Variants in WBP1L observed in about 807,000 individuals in gnomAD.
The protein encoded by WBP1L is WW domain binding protein 1 like.
WBP1L carries 17 observed loss-of-function variants against 33.7 expected under a neutral mutation model. The observed-to-expected ratio is 0.50, with a 90% CI of 0.34 to 0.76. The LOEUF (loss-of-function observed/expected upper bound fraction) is 0.76, where lower values mean the gene tolerates loss of function less well. Ranked by LOEUF, WBP1L falls within the 30% of genes least tolerant of loss-of-function variation. WBP1L has a pLI of 0.01. For missense variants in WBP1L, 389 were observed against 469.4 expected (o/e 0.83, Z 1.58); for synonymous variants, 173 against 190.8 (o/e 0.91, Z 0.77).
At chr10:102,756,552 A>G (rs552032991) in intron 1 of WBP1L, among the ~76,000 whole-genome samples, 207 of 152,224 alleles carry the variant, frequency 1.4e-3, no homozygotes, top group Non-Finnish European at 2.5e-3. Flanking sequence ...CTGTTGCTTT[A>G]TACCGTGATT....
Position 102,808,509 on chromosome 10 carries a change from C to T in WBP1L, c.194-1384C>T, listed in dbSNP as rs369716549. On this transcript the variant is annotated intron_variant, in intron 2 of 3. Transcript: ENST00000448841. ...GAGCTGTGGGGCTTGGCCTCTGTTCCGCCACCCTTCCCTGGAGCAGGGAGG... is the reference window on the plus strand; with the variant it reads ...GAGCTGTGGGGCTTGGCCTCTGTTCTGCCACCCTTCCCTGGAGCAGGGAGG... Among the ~76,000 whole-genome samples the T allele has an allele frequency of 6.7e-5, 10 of 149,536 alleles. No homozygotes were observed. The East Asian group carries it at 7.9e-4, about 12-fold the overall frequency.
intron 1 of WBP1L, among the ~76,000 whole-genome samples, chr10:102,778,794 C>A (rs973272862): frequency 6.6e-6 from 1 of 152,064 alleles, no homozygotes; most frequent in African/African-American, 2.4e-5. Flanking sequence ...ACATAATGCA[C>A]ACACACACAC....
intron 2 of WBP1L, among the ~76,000 whole-genome samples, chr10:102,804,418 T>A (rs1463382708): frequency 6.6e-6 from 1 of 150,742 alleles, no homozygotes; most frequent in Non-Finnish European, 1.5e-5. Context: ...CCTTTTTTTT[T>A]TAAAAAAAAA....
chr10:102,769,821 T>A lies in WBP1L; in HGVS notation c.90+25678T>A, dbSNP rs1272555790. Among the ~76,000 whole-genome samples, 5 of 152,364 alleles carry A rather than the reference T, an allele frequency of 3.3e-5. No homozygotes were observed. In the East Asian group the frequency reaches 7.7e-4, roughly 24 times the overall value. On this transcript the variant is annotated intron_variant, in intron 1 of 3. Coordinates refer to ENST00000448841, the MANE Select transcript of WBP1L (RefSeq NM_001083913.2). ...ATTTGATGTTTAGCAAAGGATTACA[T>A]ACTGCAGTTAAGAACCGTTTACCTA...
chr10:102,809,831 A>G, intron 2 of WBP1L, 62 bp from the exon 3 acceptor site: 1 of 1,541,522 alleles, frequency 6.5e-7, no homozygotes, highest in East Asian at 2.3e-5. Context: ...CCTGTTCCGC[A>G]AGCTGCCCCT....
At chr10:102,776,380 G>T in intron 1 of WBP1L, 1 of 1,614,164 alleles carries the variant, frequency 6.2e-7, no homozygotes, top group Admixed American at 1.7e-5. Flanking sequence ...TGTGGACGAT[G>T]CTCTTGCAGG....
chr10:102,789,931 G>T (rs7070024), intron 1 of WBP1L, among the ~76,000 whole-genome samples: 1,661 of 151,746 alleles, frequency 0.011, 25 homozygotes, highest in African/African-American at 0.038. Flanking sequence ...GTAGAGATGG[G>T]GTTTCACAGT....
intron 1 of WBP1L, among the ~76,000 whole-genome samples, chr10:102,749,792 T>C (rs963361071): frequency 6.6e-6 from 1 of 151,794 alleles, no homozygotes; most frequent in Non-Finnish European, 1.5e-5. Context: ...TTATTTATTT[T>C]TTGAGATGGA....
intron 1 of WBP1L, among the ~76,000 whole-genome samples, chr10:102,748,237 A>G (rs1182696302): frequency 6.6e-6 from 1 of 151,856 alleles, no homozygotes; most frequent in Non-Finnish European, 1.5e-5. Flanking sequence ...CAGCCTGGGC[A>G]ACAGAGCGAG....
rs924776098 is a variant in WBP1L at position 102,763,392 on chromosome 10, C to T, written c.90+19249C>T. Among the ~76,000 whole-genome samples, 10 of 152,108 alleles carry T rather than the reference C, an allele frequency of 6.6e-5. No homozygotes were observed. In the East Asian group the frequency reaches 1.5e-3, roughly 23 times the overall value. ...AGCTTATACATTGTGACTCCACAAA[C>T]GAGATGGTAGACTTTGATTACATGG... On this transcript the variant is annotated intron_variant, in intron 1 of 3. Transcript: ENST00000448841.
intron 1 of WBP1L, among the ~76,000 whole-genome samples, chr10:102,796,538 G>A (rs781611721): frequency 2.0e-5 from 3 of 152,148 alleles, no homozygotes; most frequent in East Asian, 1.9e-4. Context: ...AGGAGGAGCC[G>A]ACCATGTGAC....
chr10:102,782,760 G>A (rs1171074989), intron 1 of WBP1L, among the ~76,000 whole-genome samples: 1 of 152,126 alleles, frequency 6.6e-6, no homozygotes, highest in Non-Finnish European at 1.5e-5. Flanking sequence ...ATCCTGTGAG[G>A]GGAGGGGCAG....
At position 102,813,532 on chromosome 10, in the gene WBP1L, A is replaced by G; in HGVS notation, c.*201A>G. On this transcript the variant is annotated 3_prime_UTR_variant, in exon 4 of 4. Transcript: ENST00000448841. Reference sequence around the variant, plus strand: ...TGGATGCCTCTTCCTCCACAAGGGCACAGTGTTGTGGAGGGCTAAGTTGGT... The same window carrying G: ...TGGATGCCTCTTCCTCCACAAGGGCGCAGTGTTGTGGAGGGCTAAGTTGGT... The G allele has an allele frequency of 1.4e-6, 1 of 697,806 alleles. No homozygotes were observed. Among genetic ancestry groups the G allele is most frequent in the East Asian group, 2.7e-5 (1 of 36,444 alleles). 43.2% of individuals were successfully genotyped at this position (697,806 alleles called of 1,614,324 possible). A position where few individuals can be genotyped will look rare whatever the true frequency, so the allele number is the denominator to read the frequency against.
Position 102,809,964 on chromosome 10 carries a change from C to T in WBP1L, c.265C>T (p.His89Tyr). ...CCVCHHRRAKHRLQAQQRQHE... is the reference protein window; with the variant it reads ...CCVCHHRRAKYRLQAQQRQHE... Reference sequence around the variant, plus strand: ...TGTTTGCCACCACCGCCGAGCCAAGCACCGCCTTCAGGCCCAGCAGCGGCA... The same window carrying T: ...TGTTTGCCACCACCGCCGAGCCAAGTACCGCCTTCAGGCCCAGCAGCGGCA... Residue 89 changes from histidine to tyrosine, a missense_variant, in exon 3 of 4, where the codon CAC (histidine) becomes TAC (tyrosine). By Grantham distance (83) the His-to-Tyr change is moderately conservative. Coordinates refer to ENST00000448841, the MANE Select transcript of WBP1L (RefSeq NM_001083913.2). 1 of 1,614,036 alleles carries T rather than the reference C, an allele frequency of 6.2e-7. No homozygotes were observed. Among genetic ancestry groups the T allele is most frequent in the Non-Finnish European group, 8.5e-7 (1 of 1,180,032 alleles).
intron 2 of WBP1L, among the ~76,000 whole-genome samples, chr10:102,799,207 T>C (rs1372903992): frequency 6.6e-6 from 1 of 152,000 alleles, no homozygotes; most frequent in East Asian, 1.9e-4. Flanking sequence ...GTGCCTGCAG[T>C]CCCAGCTACT....
intron 1 of WBP1L, chr10:102,776,482 A>G (rs1430670527): frequency 6.2e-6 from 10 of 1,603,384 alleles, no homozygotes; most frequent in Non-Finnish European, 8.5e-6. Flanking sequence ...TTATTGTACT[A>G]CTGCTTTGGG....
At chr10:102,807,479 C>T (rs575627074) in intron 2 of WBP1L, among the ~76,000 whole-genome samples, 2 of 152,168 alleles carry the variant, frequency 1.3e-5, no homozygotes, top group African/African-American at 2.4e-5. Flanking sequence ...TGGGTTCAAG[C>T]GATTCTCAGC....
In WBP1L at chr10:102,815,741, T is replaced by G. The variant is rs910384809; in HGVS notation, c.*2410T>G. 6.6e-6 allele frequency: 1 copy of G among 152,222 alleles called. No homozygotes were observed. Among genetic ancestry groups the G allele is most frequent in the Non-Finnish European group, 1.5e-5 (1 of 68,042 alleles). 9.4% of individuals were successfully genotyped at this position (152,222 alleles called of 1,614,324 possible). ...TTACCAAAATGAATCCTTTTTCAGT[T>G]AACAGATCAAATGGATGAGTTCTGA... On this transcript the variant is annotated 3_prime_UTR_variant, in exon 4 of 4. Transcript: ENST00000448841.
chr10:102,792,267 G>A (rs994619874), intron 1 of WBP1L, among the ~76,000 whole-genome samples: 1 of 152,176 alleles, frequency 6.6e-6, no homozygotes, highest in Non-Finnish European at 1.5e-5. Context: ...CCACTACCAC[G>A]GTCATTCCCG....
Sources: gnomAD v4.1 joint callset for allele counts (sites outside exome capture counted in the v4.1 genomes callset) on GRCh38, gnomAD v4.1.1 for gene constraint, MANE v1.5 for transcripts, NCBI Gene and HGNC (gene_info 2026-07-23, HGNC 2026-07-21) for gene names.